The following LRBA variants were observed in gnomAD, a reference collection of about 807,000 sequenced individuals.
LRBA encodes the protein lipopolysaccharide-responsive and beige-like anchor protein.
LRBA carries 176 observed loss-of-function variants against 330.0 expected under a neutral mutation model. The ratio of observed to expected loss-of-function variants is 0.53; its 90% CI spans 0.47 to 0.60. The LOEUF (loss-of-function observed/expected upper bound fraction) is 0.60. LRBA is among the 20% of genes least tolerant of loss of function. The pLI is 0.00. For synonymous variants in LRBA, 1,230 were observed against 1,193.0 expected, an observed-to-expected ratio of 1.03 and a Z score of -0.64; for missense variants, 3,259 against 3,444.8, an observed-to-expected ratio of 0.95 and a Z score of 1.35.
At chr4:150,461,451 G>A (rs547436912) in intron 44 of LRBA, among the ~76,000 whole-genome samples, 13 of 151,572 alleles carry the variant, frequency 8.6e-5, no homozygotes, top group East Asian at 1.9e-4. Context: ...TTTTAAAAAC[G>A]CAATTGTGAG....
chr4:150,298,506 C>T (rs1195069089), intron 53 of LRBA, among the ~76,000 whole-genome samples: 3 of 151,912 alleles, frequency 2.0e-5, no homozygotes, highest in South Asian at 2.1e-4. Flanking sequence ...GAGCGTATAA[C>T]AAAATGAAGT....
chr4:150,547,143 T>C (rs1436314846), intron 40 of LRBA, among the ~76,000 whole-genome samples: 3 of 152,136 alleles, frequency 2.0e-5, no homozygotes, highest in African/African-American at 7.2e-5. Context: ...ATTTCTAAAA[T>C]ACATACATAT....
At position 150,381,798 on chromosome 4, in the gene LRBA, G is replaced by A. The variant is rs558124706; in HGVS notation, c.7195-31639C>T. 9.9e-4 allele frequency among the ~76,000 whole-genome samples: 128 copies of A among 129,362 alleles called. No homozygotes were observed. In the Middle Eastern group the frequency reaches 0.013, roughly 13 times the overall value. The allele number at this position is 129,362 out of a possible 152,430, so 84.9% of individuals were successfully genotyped here. On this transcript the variant is annotated intron_variant, in intron 47 of 56. Transcript: ENST00000651943. ...TACATTCCCAAGAGTAATGCCTGAGGGTTACAGTTTTTACATATCTTAACC... is the reference window on the plus strand; with the variant it reads ...TACATTCCCAAGAGTAATGCCTGAGAGTTACAGTTTTTACATATCTTAACC...
intron 40 of LRBA, among the ~76,000 whole-genome samples, chr4:150,530,162 AT>A: frequency 6.6e-6 from 1 of 152,354 alleles, no homozygotes; most frequent in Middle Eastern, 3.4e-3. Flanking sequence ...TCAGAAAACC[AT>A]TTAAGAAAAG....
At chr4:150,907,895 T>C (rs1357540010) in intron 11 of LRBA, among the ~76,000 whole-genome samples, 1 of 152,114 alleles carries the variant, frequency 6.6e-6, no homozygotes, top group East Asian at 1.9e-4. Flanking sequence ...TATTAAAATT[T>C]TGACTTCCAA....
At chr4:150,612,062 C>T (rs1775326168) in intron 37 of LRBA, among the ~76,000 whole-genome samples, 1 of 152,112 alleles carries the variant, frequency 6.6e-6, no homozygotes, top group Non-Finnish European at 1.5e-5. Flanking sequence ...GCCACCATGC[C>T]AGGGGAATTT....
intron 48 of LRBA, among the ~76,000 whole-genome samples, chr4:150,329,034 C>CTGAATGTTACTG (rs1561021963): frequency 6.6e-6 from 1 of 152,104 alleles, no homozygotes; most frequent in Non-Finnish European, 1.5e-5. Flanking sequence ...CATTTTAATA[C>CTGAATGTTACTG]AAGTGGCACA....
chr4:150,334,738 A>G (rs572249039), intron 48 of LRBA, among the ~76,000 whole-genome samples: 2 of 150,256 alleles, frequency 1.3e-5, no homozygotes, highest in East Asian at 3.9e-4. Context: ...TAACAAAACA[A>G]TTTTCATTTT....
intron 2 of LRBA, 131 bp from the exon 3 acceptor site, chr4:150,929,196 A>G (rs1734201764): frequency 1.7e-6 from 1 of 584,948 alleles, no homozygotes; most frequent in South Asian, 3.0e-5. Context: ...ATTAAAAAAC[A>G]TGCAGCTCAA....
At chr4:150,478,974 G>A (rs1350866239) in intron 42 of LRBA, among the ~76,000 whole-genome samples, 1 of 152,118 alleles carries the variant, frequency 6.6e-6, no homozygotes, top group Admixed American at 6.6e-5. Flanking sequence ...ATCTATTTAA[G>A]AAACTGATTA....
intron 34 of LRBA, among the ~76,000 whole-genome samples, chr4:150,777,717 C>CA (rs1436220191): frequency 1.3e-5 from 2 of 151,920 alleles, no homozygotes; most frequent in African/African-American, 4.8e-5. Flanking sequence ...CAGTGGCTCC[C>CA]ATCTGTAATC....
In LRBA at chr4:150,285,839, G is replaced by A. The variant is rs578161463; in HGVS notation, c.8119+94C>T. On this transcript the variant is annotated intron_variant, in intron 54 of 56. Coordinates refer to ENST00000651943, the MANE Select transcript of LRBA (RefSeq NM_001364905.1). ...CTAATGGCTATCATAACAGACAGAAGCTTTAGAAAAAAGGTACCAAATTAA... is the reference window on the plus strand; with the variant it reads ...CTAATGGCTATCATAACAGACAGAAACTTTAGAAAAAAGGTACCAAATTAA... The A allele has an allele frequency of 3.8e-5, 25 of 663,688 alleles. No homozygotes were observed. The East Asian group carries it at 6.2e-4, about 16-fold the overall frequency. 41.1% of individuals were successfully genotyped at this position (663,688 alleles called of 1,614,324 possible). A position where few individuals can be genotyped will look rare whatever the true frequency, so the allele number is the denominator to read the frequency against.
At chr4:150,868,044 A>G in intron 21 of LRBA, 138 bp downstream of exon 21, 1 of 951,194 alleles carries the variant, frequency 1.1e-6, no homozygotes, top group Non-Finnish European at 1.5e-6. Flanking sequence ...ACTATGTGGT[A>G]CATTATTTAC....
intron 40 of LRBA, among the ~76,000 whole-genome samples, chr4:150,546,123 T>C (rs1340924378): frequency 6.6e-6 from 1 of 152,184 alleles, no homozygotes; most frequent in Non-Finnish European, 1.5e-5. Flanking sequence ...GCAAAAGTAA[T>C]GCTATTGCGA....
intron 22 of LRBA, among the ~76,000 whole-genome samples, chr4:150,867,262 G>A (rs991587007): frequency 9.2e-5 from 14 of 151,936 alleles, no homozygotes; most frequent in South Asian, 6.2e-4. Context: ...AATATAGTGC[G>A]CCACCTTGTG....
At chr4:150,350,273 T>TA in intron 47 of LRBA, 114 bp from the exon 48 acceptor site, 1 of 874,182 alleles carries the variant, frequency 1.1e-6, no homozygotes, top group Non-Finnish European at 1.7e-6. Context: ...CAAAGATTTT[T>TA]AAAAAACAAA....
chr4:150,819,238 G>C (rs894146262), intron 30 of LRBA, among the ~76,000 whole-genome samples: 2 of 151,258 alleles, frequency 1.3e-5, no homozygotes, highest in African/African-American at 4.8e-5. Context: ...CTAATTTATG[G>C]TAGAAAAAAA....
chr4:150,650,339 C>T (rs1252184009), intron 37 of LRBA, among the ~76,000 whole-genome samples: 1 of 152,036 alleles, frequency 6.6e-6, no homozygotes, highest in African/African-American at 2.4e-5. Context: ...TCTACTTTTC[C>T]CAATTTCTAT....
intron 34 of LRBA, among the ~76,000 whole-genome samples, chr4:150,789,514 A>G (rs1050941919): frequency 2.6e-5 from 4 of 152,222 alleles, no homozygotes; most frequent in Admixed American, 6.5e-5. Flanking sequence ...ATTTTATCGC[A>G]GCACTAAGTT....
Sources: allele counts gnomAD v4.1 joint callset (sites outside exome capture counted in the v4.1 genomes callset), GRCh38; gene constraint gnomAD v4.1.1; transcripts MANE v1.5; gene names NCBI Gene and HGNC (gene_info 2026-07-23, HGNC 2026-07-21).